Variants in FRMD4A observed in about 807,000 individuals in gnomAD.
FRMD4A encodes FERM domain containing 4A, also known as FERM domain-containing protein 4A.
FRMD4A carries 29 observed loss-of-function variants against 129.1 expected under a neutral mutation model. That is an observed-to-expected ratio of 0.22 (90% CI 0.17 to 0.31). The LOEUF is 0.31. Among genes scored for constraint, FRMD4A ranks in the 10% least tolerant of loss-of-function variants. The pLI is 1.00. For synonymous variants in FRMD4A, 634 were observed against 571.6 expected (o/e 1.11, Z -1.56); for missense variants, 1,272 against 1,375.8 (o/e 0.92, Z 1.19).
At chr10:14,190,457 A>G (rs1250387680) in intron 2 of FRMD4A, among the ~76,000 whole-genome samples, 3 of 152,120 alleles carry the variant, frequency 2.0e-5, no homozygotes, top group Non-Finnish European at 4.4e-5. Context: ...CTGCAGCCTC[A>G]GTCTCCAAGG....
At chr10:13,948,554 G>C (rs769311349) in intron 2 of FRMD4A, among the ~76,000 whole-genome samples, 1 of 151,992 alleles carries the variant, frequency 6.6e-6, no homozygotes, top group African/African-American at 2.4e-5. Flanking sequence ...GGAGCATTTT[G>C]CAGGCAGCTC....
intron 2 of FRMD4A, among the ~76,000 whole-genome samples, chr10:14,056,269 T>C (rs551263418): frequency 6.6e-6 from 1 of 152,144 alleles, no homozygotes; most frequent in South Asian, 2.1e-4. Context: ...TGACCTCAAG[T>C]GATATGCCCG....
intron 2 of FRMD4A, among the ~76,000 whole-genome samples, chr10:14,018,455 CAAAAAAAAAAA>C (rs71388151): frequency 5.1e-5 from 3 of 59,250 alleles, no homozygotes; most frequent in Admixed American, 2.5e-4. Context: ...GACTCCATCT[CAAAAAAAAAAA>C]AAAAAAAAAA....
intron 2 of FRMD4A, among the ~76,000 whole-genome samples, chr10:14,178,224 T>C (rs1177526513): frequency 6.6e-6 from 1 of 152,220 alleles, no homozygotes; most frequent in Non-Finnish European, 1.5e-5. Context: ...TACAAAGACT[T>C]AAAAGTACAT....
intron 2 of FRMD4A, among the ~76,000 whole-genome samples, chr10:14,292,781 C>A (rs1026726908): frequency 6.6e-6 from 1 of 151,694 alleles, no homozygotes; most frequent in Non-Finnish European, 1.5e-5. Context: ...GCCTGGGCGA[C>A]AGAGCGAGAC....
chr10:13,779,899 G>C (rs2092693311), intron 6 of FRMD4A, among the ~76,000 whole-genome samples: 1 of 152,168 alleles, frequency 6.6e-6, no homozygotes, highest in Non-Finnish European at 1.5e-5. Flanking sequence ...TTGTAGGAAT[G>C]AACCGTTCTT....
rs564167703 is a variant in FRMD4A at position 14,259,981 on chromosome 10, A to G, written c.45+70077T>C. Among the ~76,000 whole-genome samples, 4 of 151,930 alleles carry G rather than the reference A, an allele frequency of 2.6e-5. No homozygotes were observed. The South Asian group carries it at 6.2e-4, about 24-fold the overall frequency. ...ATACTCACGTCTTCAGAAAAAAAGA[A>G]TCTCTAAGGATCTCTGTGTCATAGA... On this transcript the variant is annotated intron_variant, in intron 2 of 24. Coordinates refer to ENST00000357447, the MANE Select transcript of FRMD4A (RefSeq NM_018027.5).
intron 2 of FRMD4A, among the ~76,000 whole-genome samples, chr10:13,976,267 T>A (rs924504624): frequency 6.6e-6 from 1 of 152,150 alleles, no homozygotes; most frequent in African/African-American, 2.4e-5. Flanking sequence ...GGATTGCACA[T>A]TGGGGAAGGG....
intron 2 of FRMD4A, among the ~76,000 whole-genome samples, chr10:14,277,063 C>A (rs909013287): frequency 6.6e-6 from 1 of 152,198 alleles, no homozygotes; most frequent in African/African-American, 2.4e-5. Flanking sequence ...CGGGGTTTTG[C>A]CAACTTGCCC....
At chr10:13,765,890 G>A (rs2092271700) in intron 6 of FRMD4A, among the ~76,000 whole-genome samples, 1 of 152,134 alleles carries the variant, frequency 6.6e-6, no homozygotes, top group African/African-American at 2.4e-5. Context: ...ACTTGTTAGC[G>A]TGCTGTTGTA....
At chr10:13,854,160 G>A (rs1019478375) in intron 3 of FRMD4A, among the ~76,000 whole-genome samples, 3 of 152,088 alleles carry the variant, frequency 2.0e-5, no homozygotes, top group South Asian at 2.1e-4. Context: ...CTCACTGTCC[G>A]GAAATTCTTA....
At chr10:13,851,289 A>G (rs1564910908) in intron 3 of FRMD4A, among the ~76,000 whole-genome samples, 1 of 152,244 alleles carries the variant, frequency 6.6e-6, no homozygotes, top group Non-Finnish European at 1.5e-5. Flanking sequence ...AACATCCAGT[A>G]TTATATCTGG....
At chr10:13,740,844 T>G (rs1182120781) in intron 9 of FRMD4A, among the ~76,000 whole-genome samples, 2 of 149,634 alleles carry the variant, frequency 1.3e-5, no homozygotes, top group Non-Finnish European at 3.0e-5. Context: ...TTTTTTTTTT[T>G]GAGACGGAGT....
intron 12 of FRMD4A, among the ~76,000 whole-genome samples, chr10:13,721,494 C>A (rs1224543717): frequency 6.6e-6 from 1 of 151,860 alleles, no homozygotes; most frequent in Non-Finnish European, 1.5e-5. Context: ...AAAAAAAGAA[C>A]TCGATAAGAC....
At chr10:14,019,509 G>C (rs1832633042) in intron 2 of FRMD4A, among the ~76,000 whole-genome samples, 1 of 152,148 alleles carries the variant, frequency 6.6e-6, no homozygotes, top group Non-Finnish European at 1.5e-5. Flanking sequence ...TAGACAGAGG[G>C]GGAAGAGACA....
chr10:13,713,995 T>A (rs189087308), intron 12 of FRMD4A, among the ~76,000 whole-genome samples: 13 of 71,274 alleles, frequency 1.8e-4, no homozygotes, highest in African/African-American at 3.6e-4. Flanking sequence ...ACATATATAA[T>A]ATACATATAT....
chr10:14,166,727 C>T (rs1013745617), intron 2 of FRMD4A, among the ~76,000 whole-genome samples: 1 of 152,180 alleles, frequency 6.6e-6, no homozygotes, highest in African/African-American at 2.4e-5. Context: ...AATGGCCTGC[C>T]CATTACTTGT....
chr10:13,696,509 C>T (rs948602066), intron 14 of FRMD4A, among the ~76,000 whole-genome samples: 10 of 152,132 alleles, frequency 6.6e-5, no homozygotes, highest in Admixed American at 5.9e-4. Context: ...TTTGGGAGGC[C>T]GAGGTGGGTG....
At chr10:14,052,787 C>T (rs1001884754) in intron 2 of FRMD4A, among the ~76,000 whole-genome samples, 1 of 152,012 alleles carries the variant, frequency 6.6e-6, no homozygotes, top group Admixed American at 6.6e-5. Flanking sequence ...TGGTCTTGAA[C>T]TCCTGACCTC....
Sources: gnomAD v4.1 joint callset for allele counts (sites outside exome capture counted in the v4.1 genomes callset) on GRCh38, gnomAD v4.1.1 for gene constraint, MANE v1.5 for transcripts, NCBI Gene and HGNC (gene_info 2026-07-23, HGNC 2026-07-21) for gene names.